The following FAM13A variants were observed in gnomAD, a reference collection of about 807,000 sequenced individuals.
The protein encoded by FAM13A is family with sequence similarity 13 member A.
Under a neutral mutation model 129.6 loss-of-function variants are expected in FAM13A, and 76 were observed. That is an observed-to-expected ratio of 0.59 (90% CI 0.49 to 0.71). The LOEUF (loss-of-function observed/expected upper bound fraction) is 0.71. FAM13A is among the 30% of genes least tolerant of loss of function. The pLI, the probability that FAM13A is intolerant of heterozygous loss-of-function variation, is 0.00. For synonymous variants in FAM13A, 443 were observed against 449.9 expected, an observed-to-expected ratio of 0.98 and a Z score of 0.20; for missense variants, 1,108 against 1,249.3, an observed-to-expected ratio of 0.89 and a Z score of 1.70.
chr4:88,886,799 C>T (rs753723849), intron 6 of FAM13A, among the ~76,000 whole-genome samples: 70 of 151,222 alleles, frequency 4.6e-4, no homozygotes, highest in Non-Finnish European at 7.2e-4. Flanking sequence ...CCCAGCTATT[C>T]GGGAGGCTGA....
intron 4 of FAM13A, among the ~76,000 whole-genome samples, chr4:88,955,112 T>C (rs1757536147): frequency 6.6e-6 from 1 of 152,164 alleles, no homozygotes. Flanking sequence ...AGATTGAATG[T>C]ACTTTTAATG....
chr4:88,950,667 G>A (rs1407084693), intron 4 of FAM13A, among the ~76,000 whole-genome samples: 4 of 152,180 alleles, frequency 2.6e-5, no homozygotes, highest in African/African-American at 9.7e-5. Flanking sequence ...CTTGAAGATA[G>A]ATGTATACTA....
At position 88,984,173 on chromosome 4, in the gene FAM13A, A is replaced by T. The variant is rs1482281619; in HGVS notation, c.605+6800T>A. On this transcript the variant is annotated intron_variant, in intron 4 of 23. Transcript: ENST00000264344. ...CCAAAATAGCTCCATAGACCTAAAC[A>T]TAACAGTCATAACTAAAAAACTCTT... Among the ~76,000 whole-genome samples, 5 of 152,206 alleles carry T rather than the reference A, an allele frequency of 3.3e-5. 1 individual carries two copies.
chr4:88,919,923 C>T (rs377551236), intron 5 of FAM13A, among the ~76,000 whole-genome samples: 41 of 152,244 alleles, frequency 2.7e-4, no homozygotes, highest in Non-Finnish European at 4.0e-4. Context: ...GAGGGTCCTA[C>T]GCCCACAGAG....
At chr4:88,964,654 G>T (rs1409164029) in intron 4 of FAM13A, among the ~76,000 whole-genome samples, 15 of 136,664 alleles carry the variant, frequency 1.1e-4, no homozygotes, top group Non-Finnish European at 4.6e-5. Flanking sequence ...TTTTTTTGGA[G>T]TCTCACTCTG....
chr4:88,961,102 G>A (rs1758536284), intron 4 of FAM13A, among the ~76,000 whole-genome samples: 1 of 151,976 alleles, frequency 6.6e-6, no homozygotes, highest in Admixed American at 6.6e-5. Flanking sequence ...TAGAAATGGT[G>A]ACTAAGTTTG....
At chr4:89,052,259 TTTTTTTTC>T (rs1303799273) in intron 1 of FAM13A, among the ~76,000 whole-genome samples, 84 of 98,646 alleles carry the variant, frequency 8.5e-4, no homozygotes, top group Middle Eastern at 5.7e-3. Context: ...GCTTTCTTTT[TTTTTTTTC>T]TTTTTTCTTT....
In FAM13A at chr4:88,969,467, T is replaced by C. The variant is rs185042060; in HGVS notation, c.605+21506A>G. Among the ~76,000 whole-genome samples the C allele has an allele frequency of 5.3e-5, 8 of 152,190 alleles. No individual in the cohort carries two copies. In the East Asian group the frequency reaches 1.4e-3, roughly 26 times the overall value. Reference sequence around the variant, plus strand: ...GCTACCAGATAAACTCATAGACAGGTTCAGGTAGAAGGTCAGGATGGGAAA... The same window carrying C: ...GCTACCAGATAAACTCATAGACAGGCTCAGGTAGAAGGTCAGGATGGGAAA... On this transcript the variant is annotated intron_variant, in intron 4 of 23. Transcript: ENST00000264344.
At chr4:88,969,682 T>C (rs1033646125) in intron 4 of FAM13A, among the ~76,000 whole-genome samples, 2 of 152,252 alleles carry the variant, frequency 1.3e-5, no homozygotes, top group African/African-American at 2.4e-5. Flanking sequence ...GTGTATACTA[T>C]GTACAGGTAC....
At chr4:88,798,207 T>A (rs556564632) in intron 8 of FAM13A, among the ~76,000 whole-genome samples, 1 of 152,216 alleles carries the variant, frequency 6.6e-6, no homozygotes, top group Non-Finnish European at 1.5e-5. Context: ...TTTATGATTA[T>A]GCTGGAGAAC....
intron 6 of FAM13A, among the ~76,000 whole-genome samples, chr4:88,874,810 C>A (rs1180925342): frequency 1.3e-5 from 2 of 152,076 alleles, no homozygotes; most frequent in Non-Finnish European, 2.9e-5. Context: ...CATATGGAAC[C>A]AAGAAAGAGC....
intron 4 of FAM13A, among the ~76,000 whole-genome samples, chr4:88,959,256 G>C (rs186838602): frequency 6.6e-6 from 1 of 152,256 alleles, no homozygotes; most frequent in Admixed American, 6.5e-5. Context: ...GATTTGGGAG[G>C]GGCCGGGGCA....
Position 88,909,373 on chromosome 4 carries a change from T to A in FAM13A, c.760-2911A>T, listed in dbSNP as rs565172828. ...TATATATTGTGTGATTCCACTTATA[T>A]GAAATGTCCAGAATAGGCAAATACT... is the stretch of plus-strand genomic sequence containing the variant. On this transcript the variant is annotated intron_variant, in intron 5 of 23. Coordinates refer to ENST00000264344, the MANE Select transcript of FAM13A (RefSeq NM_014883.4). Among the ~76,000 whole-genome samples the A allele has an allele frequency of 7.2e-5, 11 of 152,340 alleles. No homozygotes were observed. The East Asian group carries it at 2.1e-3, about 29-fold the overall frequency.
chr4:88,836,146 A>G (rs977252915), intron 7 of FAM13A, among the ~76,000 whole-genome samples: 1 of 152,198 alleles, frequency 6.6e-6, no homozygotes, highest in Non-Finnish European at 1.5e-5. Context: ...ATTGTAAAAA[A>G]ATTCATACAT....
chr4:88,826,618 C>T (rs1455426411), intron 7 of FAM13A, among the ~76,000 whole-genome samples: 1 of 152,140 alleles, frequency 6.6e-6, no homozygotes, highest in East Asian at 1.9e-4. Context: ...ACCTCTCTCA[C>T]TCACTAATTA....
At chr4:88,969,875 G>C (rs926808705) in intron 4 of FAM13A, among the ~76,000 whole-genome samples, 1 of 152,228 alleles carries the variant, frequency 6.6e-6, no homozygotes, top group Non-Finnish European at 1.5e-5. Flanking sequence ...TAGTGCTGAA[G>C]CCTATGCTCT....
At chr4:88,866,326 G>A (rs1240722687) in intron 6 of FAM13A, among the ~76,000 whole-genome samples, 2 of 152,108 alleles carry the variant, frequency 1.3e-5, no homozygotes, top group African/African-American at 4.8e-5. Flanking sequence ...GATTACAGGC[G>A]TGAGGCACTG....
chr4:89,027,133 T>A (rs895780121), intron 2 of FAM13A, among the ~76,000 whole-genome samples: 2 of 152,228 alleles, frequency 1.3e-5, no homozygotes, highest in African/African-American at 4.8e-5. Flanking sequence ...ATACTGTTTT[T>A]TTCTCCTATA....
intron 4 of FAM13A, among the ~76,000 whole-genome samples, chr4:88,986,399 G>A (rs1305179521): frequency 6.6e-6 from 1 of 152,220 alleles, no homozygotes; most frequent in Non-Finnish European, 1.5e-5. Flanking sequence ...CTCCCAAAGT[G>A]GTGGGATTAC....
Sources: gnomAD v4.1 joint callset for allele counts (sites outside exome capture counted in the v4.1 genomes callset) on GRCh38, gnomAD v4.1.1 for gene constraint, MANE v1.5 for transcripts, NCBI Gene and HGNC (gene_info 2026-07-23, HGNC 2026-07-21) for gene names.